CAPRIN1: variants seen among roughly 807,000 people sequenced by gnomAD.
CAPRIN1 encodes cell cycle associated protein 1, also known as caprin-1.
A neutral mutation model predicts 100.9 loss-of-function variants in CAPRIN1; 29 were observed. The ratio of observed to expected loss-of-function variants is 0.29; its 90% CI spans 0.21 to 0.39. The LOEUF (loss-of-function observed/expected upper bound fraction) is 0.39, where lower values mean the gene tolerates loss of function less well. Among genes scored for constraint, CAPRIN1 ranks in the 10% least tolerant of loss-of-function variants. The probability of loss-of-function intolerance (pLI) is 1.00; values close to 1 mark genes in which losing one functional copy is unlikely to be tolerated. For synonymous variants in CAPRIN1, 338 were observed against 307.5 expected, an observed-to-expected ratio of 1.10 and a Z score of -1.04; for missense variants, 795 against 876.7, an observed-to-expected ratio of 0.91 and a Z score of 1.18.
chr11:34,080,266 G>T (rs1263908994), intron 7 of CAPRIN1, among the ~76,000 whole-genome samples: 1 of 152,016 alleles, frequency 6.6e-6, no homozygotes, highest in Admixed American at 6.6e-5. Context: ...ATTCCTACCA[G>T]TATTCATTAT....
At position 34,090,228 on chromosome 11, in the gene CAPRIN1, T is replaced by G; in HGVS notation, c.1343T>G (p.Leu448Trp). The G allele has an allele frequency of 6.2e-7, 1 of 1,614,078 alleles. No individual in the cohort carries two copies. The highest frequency in any genetic ancestry group is 8.5e-7 in the Non-Finnish European group (1 of 1,179,968). The change falls in exon 13 of 19, where the codon TTG (leucine) becomes TGG (tryptophan). Residue 448 changes from leucine to tryptophan, a missense_variant. Coordinates refer to ENST00000341394, the MANE Select transcript of CAPRIN1 (RefSeq NM_005898.5). ...TSEGYTASQP[L>W]YQPSHATEQR... is the part of the protein sequence containing the mutation. Reference sequence around the variant, plus strand: ...GAGGGGTACACAGCATCTCAACCCTTGTACCAGCCTTCTCATGCTACAGAG... The same window carrying G: ...GAGGGGTACACAGCATCTCAACCCTGGTACCAGCCTTCTCATGCTACAGAG...
chr11:34,056,506 T>TTA (rs1850454775), intron 2 of CAPRIN1: 1 of 152,316 alleles, frequency 6.6e-6, no homozygotes, highest in South Asian at 2.1e-4. Context: ...AGTACATGAA[T>TTA]GTTTAGCAAA....
chr11:34,082,621 C>G (rs1444295529), intron 7 of CAPRIN1, among the ~76,000 whole-genome samples: 1 of 152,200 alleles, frequency 6.6e-6, no homozygotes, highest in African/African-American at 2.4e-5. Flanking sequence ...CAGAGTGGTA[C>G]ATTTGTTAAC....
At chr11:34,095,639 G>T (rs1851355262) in intron 15 of CAPRIN1, among the ~76,000 whole-genome samples, 1 of 152,214 alleles carries the variant, frequency 6.6e-6, no homozygotes, top group Non-Finnish European at 1.5e-5. Flanking sequence ...TGTTGTTAGT[G>T]TGTGGGCCTT....
intron 2 of CAPRIN1, chr11:34,055,845 T>C (rs996564482): frequency 1.3e-5 from 2 of 152,258 alleles, no homozygotes; most frequent in Non-Finnish European, 2.9e-5. Context: ...GACTGAACTC[T>C]ACCTACATGT....
At chr11:34,088,576 A>C (rs1036595130) in intron 11 of CAPRIN1, among the ~76,000 whole-genome samples, 4 of 152,126 alleles carry the variant, frequency 2.6e-5, no homozygotes, top group African/African-American at 9.7e-5. Flanking sequence ...CAAGAAGCCA[A>C]GGTGGGAGGA....
chr11:34,090,325 G>C, intron 13 of CAPRIN1, 36 bp downstream of exon 13: 1 of 1,395,076 alleles, frequency 7.2e-7, no homozygotes, highest in Non-Finnish European at 1.0e-6. Context: ...CATTTGATGA[G>C]GCACTTACTC....
At chr11:34,075,822 A>G (rs898463472) in intron 4 of CAPRIN1, among the ~76,000 whole-genome samples, 10 of 152,216 alleles carry the variant, frequency 6.6e-5, no homozygotes, top group African/African-American at 2.4e-4. Context: ...ATAATGAAAA[A>G]CTTCAGATAT....
In CAPRIN1 at chr11:34,097,270, C is replaced by T. The variant is rs951151287; in HGVS notation, c.1975C>T (p.Pro659Ser). The change falls in exon 17 of 19, where the codon CCC becomes TCC. Residue 659 changes from proline (P) to serine (S), a missense_variant. Pro to Ser is a moderately conservative substitution (Grantham distance 74). Coordinates refer to ENST00000341394, the MANE Select transcript of CAPRIN1 (RefSeq NM_005898.5). ...TTATACACAGTCTCAGTTCAGTGCT[C>T]CCCGGGATTACTCTGGCTATCAACG... ...SGYTQSQFSAPRDYSGYQRDG... is the reference protein window; with the variant it reads ...SGYTQSQFSASRDYSGYQRDG... The T allele has an allele frequency of 3.1e-6, 5 of 1,613,156 alleles. No homozygotes were observed. Among genetic ancestry groups the T allele is most frequent in the East Asian group, 4.5e-5 (2 of 44,886 alleles).
chr11:34,091,148 C>T (rs1046542835), intron 14 of CAPRIN1, among the ~76,000 whole-genome samples: 3 of 152,042 alleles, frequency 2.0e-5, no homozygotes, highest in African/African-American at 4.8e-5. Context: ...GCAGCTAAAT[C>T]GGTGCTGAGA....
intron 2 of CAPRIN1, chr11:34,053,713 C>A (rs1215413861): frequency 6.6e-6 from 1 of 152,108 alleles, no homozygotes; most frequent in Non-Finnish European, 1.5e-5. Flanking sequence ...TTTATGCTTT[C>A]ATCGCAGGAC....
At chr11:34,071,671 A>T in intron 2 of CAPRIN1, 55 bp from the exon 3 acceptor site, 1 of 1,232,228 alleles carries the variant, frequency 8.1e-7, no homozygotes, top group Non-Finnish European at 1.2e-6. Flanking sequence ...AAGCATGCTT[A>T]AGCTGGTATA....
chr11:34,056,281 G>T (rs1270348773), intron 2 of CAPRIN1, among the ~76,000 whole-genome samples: 2 of 151,054 alleles, frequency 1.3e-5, no homozygotes, highest in Non-Finnish European at 3.0e-5. Flanking sequence ...AATGACTATG[G>T]ATATGTAGTA....
chr11:34,052,795 G>A (rs1303267054), intron 2 of CAPRIN1, 159 bp downstream of exon 2: 2 of 1,440,216 alleles, frequency 1.4e-6, no homozygotes, highest in Non-Finnish European at 1.8e-6. Flanking sequence ...CACGTTCAGC[G>A]GGAGCTTCGT....
At chr11:34,084,453 G>T (rs1251564239) in intron 9 of CAPRIN1, among the ~76,000 whole-genome samples, 1 of 152,164 alleles carries the variant, frequency 6.6e-6, no homozygotes, top group Non-Finnish European at 1.5e-5. Context: ...GATTAGAAGA[G>T]AAATCAATCA....
intron 6 of CAPRIN1, 145 bp downstream of exon 6, chr11:34,076,787 G>A (rs1423911102): frequency 3.2e-6 from 2 of 622,096 alleles, no homozygotes. Flanking sequence ...AGGTTGGAGT[G>A]TAGTAGTGTG....
intron 5 of CAPRIN1, 30 bp downstream of exon 5, chr11:34,076,504 C>G (rs748190131): frequency 8.1e-6 from 13 of 1,607,200 alleles, no homozygotes; most frequent in Non-Finnish European, 6.8e-6. Flanking sequence ...ATAGAAACTT[C>G]TGAGTATTTA....
At chr11:34,097,360 T>C in intron 17 of CAPRIN1, 64 bp downstream of exon 17, 1 of 1,270,334 alleles carries the variant, frequency 7.9e-7, no homozygotes, top group South Asian at 1.2e-5. Context: ...GACTTAGTGT[T>C]GTTGCTTAAT....
At chr11:34,066,624 G>A (rs945288634) in intron 2 of CAPRIN1, among the ~76,000 whole-genome samples, 2 of 132,516 alleles carry the variant, frequency 1.5e-5, no homozygotes, top group Admixed American at 7.7e-5. Context: ...GAGCCACTGT[G>A]CCTGGCCACC....
Sources: allele counts gnomAD v4.1 joint callset (sites outside exome capture counted in the v4.1 genomes callset), GRCh38; gene constraint gnomAD v4.1.1; transcripts MANE v1.5; gene names NCBI Gene and HGNC (gene_info 2026-07-23, HGNC 2026-07-21).